Variants in ST6GALNAC3 observed in about 807,000 individuals in gnomAD.
ST6GALNAC3 encodes the protein ST6 N-acetylgalactosaminide alpha-2,6-sialyltransferase 3, also known as alpha-N-acetylgalactosaminide alpha-2,6-sialyltransferase 3.
Under a neutral mutation model 32.7 loss-of-function variants are expected in ST6GALNAC3, and 25 were observed. The observed-to-expected ratio is 0.76, with a 90% CI of 0.56 to 1.07. The LOEUF (loss-of-function observed/expected upper bound fraction) is 1.07. ST6GALNAC3 is among the 50% of genes least tolerant of loss of function. The pLI is 0.00. For missense variants in ST6GALNAC3, 355 were observed against 382.4 expected (o/e 0.93, Z 0.60); for synonymous variants, 129 against 133.1 (o/e 0.97, Z 0.21).
intron 3 of ST6GALNAC3, among the ~76,000 whole-genome samples, chr1:76,458,612 A>T (rs1230073518): frequency 8.0e-5 from 12 of 149,210 alleles, no homozygotes; most frequent in South Asian, 4.3e-4. Flanking sequence ...GGAAATCATC[A>T]TTCTCAGTAA....
At chr1:76,394,783 A>G (rs1357501404) in intron 2 of ST6GALNAC3, among the ~76,000 whole-genome samples, 1 of 152,140 alleles carries the variant, frequency 6.6e-6, no homozygotes, top group Non-Finnish European at 1.5e-5. Context: ...AATAGGCTCT[A>G]TATTTCAGAT....
intron 3 of ST6GALNAC3, among the ~76,000 whole-genome samples, chr1:76,546,848 CGTT>C (rs1270844581): frequency 6.6e-6 from 1 of 152,196 alleles, no homozygotes; most frequent in African/African-American, 2.4e-5. Context: ...TGGCACCACA[CGTT>C]GTGTTCCCAC....
At chr1:76,151,268 CAG>C (rs576290178) in intron 1 of ST6GALNAC3, among the ~76,000 whole-genome samples, 100 of 152,264 alleles carry the variant, frequency 6.6e-4, no homozygotes, top group Middle Eastern at 3.4e-3. Context: ...TGTGGGCAAA[CAG>C]GGGGGCAAGG....
chr1:76,633,369 T>C lies in ST6GALNAC3; in HGVS notation c.*4563T>C, dbSNP rs1255422915. ...CTGAAGTGGAGAAATATTTTCATAA[T>C]TGAAGGAACATATCCCATTGATTGT... On this transcript the variant is annotated 3_prime_UTR_variant, in exon 5 of 5. Transcript: ENST00000328299. 6.6e-6 allele frequency: 1 copy of C among 152,252 alleles called. No homozygotes were observed. Among genetic ancestry groups the C allele is most frequent in the East Asian group, 1.9e-4 (1 of 5,202 alleles). The allele number at this position is 152,252 out of a possible 1,614,324, so 9.4% of individuals were successfully genotyped here.
At chr1:76,209,083 A>G (rs1654995485) in intron 1 of ST6GALNAC3, among the ~76,000 whole-genome samples, 1 of 151,788 alleles carries the variant, frequency 6.6e-6, no homozygotes, top group South Asian at 2.1e-4. Context: ...GCCTTTTGTT[A>G]TTTGGTCCTG....
At chr1:76,554,484 T>C (rs144109007) in intron 3 of ST6GALNAC3, among the ~76,000 whole-genome samples, 2,823 of 146,702 alleles carry the variant, frequency 0.019, 79 homozygotes, top group African/African-American at 0.066. Context: ...TGTTATTTCT[T>C]GATAGAGCAA....
At chr1:76,269,470 T>C (rs1006312238) in intron 1 of ST6GALNAC3, among the ~76,000 whole-genome samples, 1 of 152,136 alleles carries the variant, frequency 6.6e-6, no homozygotes, top group African/African-American at 2.4e-5. Flanking sequence ...TCAAGAGAAG[T>C]TAGAAATACA....
At chr1:76,564,736 C>G (rs548366071) in intron 3 of ST6GALNAC3, among the ~76,000 whole-genome samples, 1 of 152,072 alleles carries the variant, frequency 6.6e-6, no homozygotes, top group Non-Finnish European at 1.5e-5. Context: ...TAGGCGCCCA[C>G]CACCACGCCT....
intron 2 of ST6GALNAC3, among the ~76,000 whole-genome samples, chr1:76,411,164 G>A (rs1345504701): frequency 6.6e-6 from 1 of 152,138 alleles, no homozygotes; most frequent in Non-Finnish European, 1.5e-5. Context: ...TAGGAGAACT[G>A]AAAGCAAGGA....
chr1:76,538,456 G>C (rs1457409497), intron 3 of ST6GALNAC3, among the ~76,000 whole-genome samples: 2 of 152,150 alleles, frequency 1.3e-5, no homozygotes, highest in Non-Finnish European at 2.9e-5. Flanking sequence ...TTGCAAACCA[G>C]TACAAGACAA....
intron 3 of ST6GALNAC3, among the ~76,000 whole-genome samples, chr1:76,613,730 G>T (rs187300259): frequency 2.0e-5 from 3 of 152,194 alleles, no homozygotes; most frequent in African/African-American, 7.2e-5. Flanking sequence ...CTCTGGCCAC[G>T]TAAGACGTGC....
At chr1:76,346,909 G>T (rs980807881) in intron 2 of ST6GALNAC3, among the ~76,000 whole-genome samples, 1 of 152,172 alleles carries the variant, frequency 6.6e-6, no homozygotes, top group South Asian at 2.1e-4. Context: ...TTATTATGAC[G>T]TTTACTTAGT....
chr1:76,509,467 G>T lies in ST6GALNAC3; in HGVS notation c.623+97050G>T, dbSNP rs1230484337. 6.6e-6 allele frequency among the ~76,000 whole-genome samples: 1 copy of T among 152,146 alleles called. No homozygotes were observed. The highest frequency in any genetic ancestry group is 6.5e-5 in the Admixed American group (1 of 15,272). On this transcript the variant is annotated intron_variant, in intron 3 of 4. Coordinates refer to ENST00000328299, the MANE Select transcript of ST6GALNAC3 (RefSeq NM_152996.4). The surrounding 1 kb of genome is among the most constrained non-coding windows in gnomAD (Gnocchi z 5.5). ...CATGCTAATTCTGACACTTTGAAATGTAAGAGCAGTTCTTGAGGTATTGAA... is the reference window on the plus strand; with the variant it reads ...CATGCTAATTCTGACACTTTGAAATTTAAGAGCAGTTCTTGAGGTATTGAA...
chr1:76,604,825 T>G (rs1265579296), intron 3 of ST6GALNAC3, among the ~76,000 whole-genome samples: 1 of 152,204 alleles, frequency 6.6e-6, no homozygotes, highest in Non-Finnish European at 1.5e-5. Context: ...AGAAATCACT[T>G]TAATTGGACT....
chr1:76,238,676 A>G (rs1656795940), intron 1 of ST6GALNAC3, among the ~76,000 whole-genome samples: 1 of 152,026 alleles, frequency 6.6e-6, no homozygotes, highest in African/African-American at 2.4e-5. Context: ...AGGAGGGGAG[A>G]GGGGGCTTTT....
chr1:76,494,646 T>TGG (rs1553127710), intron 3 of ST6GALNAC3, among the ~76,000 whole-genome samples: 1 of 81,010 alleles, frequency 1.2e-5, no homozygotes, highest in Non-Finnish European at 2.3e-5. Context: ...TTCATGTGTA[T>TGG]GCGCACACAC....
chr1:76,129,820 A>G (rs902413634), intron 1 of ST6GALNAC3, among the ~76,000 whole-genome samples: 1 of 152,180 alleles, frequency 6.6e-6, no homozygotes, highest in Non-Finnish European at 1.5e-5. Flanking sequence ...GCTGTGAGGC[A>G]CCAGAAGAAT....
chr1:76,130,767 A>C (rs1277757243), intron 1 of ST6GALNAC3, among the ~76,000 whole-genome samples: 1 of 152,222 alleles, frequency 6.6e-6, no homozygotes, highest in Non-Finnish European at 1.5e-5. Context: ...GAAGCTGCCT[A>C]TGAAGGGTGT....
At chr1:76,612,109 AT>A (rs1647976202) in intron 3 of ST6GALNAC3, among the ~76,000 whole-genome samples, 1 of 152,028 alleles carries the variant, frequency 6.6e-6, no homozygotes, top group African/African-American at 2.4e-5. Context: ...TTTTATTTTT[AT>A]TTTACCCCTT....
Sources: gnomAD v4.1 joint callset for allele counts (sites outside exome capture counted in the v4.1 genomes callset) on GRCh38, gnomAD v4.1.1 for gene constraint, Gnocchi (gnomAD v3.1) non-coding constraint, MANE v1.5 for transcripts, NCBI Gene and HGNC (gene_info 2026-07-23, HGNC 2026-07-21) for gene names.